Variants in HECTD3 observed in about 807,000 individuals in gnomAD.
HECTD3 encodes the protein HECT domain E3 ubiquitin protein ligase 3, also known as E3 ubiquitin-protein ligase HECTD3.
In HECTD3, 72 loss-of-function variants were observed where a neutral mutation model predicts 109.3. The observed-to-expected ratio is 0.66, with a 90% CI of 0.54 to 0.80. The LOEUF (loss-of-function observed/expected upper bound fraction) is 0.80. Among genes scored for constraint, HECTD3 ranks in the 30% least tolerant of loss-of-function variants. The pLI, the probability that HECTD3 is intolerant of heterozygous loss-of-function variation, is 0.00. For synonymous variants in HECTD3, 481 were observed against 471.8 expected (o/e 1.02, Z -0.25); for missense variants, 1,041 against 1,165.2 (o/e 0.89, Z 1.55).
Position 45,005,881 on chromosome 1 carries a change from G to A in HECTD3, c.1848C>T (p.Val616=). The A allele has an allele frequency of 6.2e-7, 1 of 1,605,762 alleles. No homozygotes were observed. The highest frequency in any genetic ancestry group is 8.5e-7 in the Non-Finnish European group (1 of 1,175,890). ...GAALRGKEFL[V]LALPGFVWKQ... is the part of the protein sequence containing the mutation. ...TCCACACAAAACCAGGCAGGGCCAG[G>A]ACCTGTGTGACAAACACTCCCCACT... The change falls in exon 15 of 21, where the codon GTC becomes GTT. Residue 616 remains valine, a splice_region_variant and synonymous_variant. Transcript: ENST00000372172.
In HECTD3 at chr1:45,010,980, C is replaced by T. The variant is rs765354435; in HGVS notation, c.278G>A (p.Arg93His). The T allele has an allele frequency of 6.7e-7, 1 of 1,503,240 alleles. No individual in the cohort carries two copies. The highest frequency in any genetic ancestry group is 8.8e-7 in the Non-Finnish European group (1 of 1,139,820). 93.1% of individuals were successfully genotyped at this position (1,503,240 alleles called of 1,614,324 possible). Residue 93 changes from arginine to histidine, a missense_variant, in exon 1 of 21, where the codon CGC (arginine) becomes CAC (histidine). Physicochemically the swap from Arg to His is conservative, Grantham distance 29. Around this residue, in one of 2 missense-constraint regions of HECTD3, gnomAD observed 472 missense variants for 449.9 expected, o/e 1.05. Transcript: ENST00000372172. ...GTGSGPLRAA[R>H]DSIELRRGAC... ...GCCGCGCCGGAGCTCAATGCTGTCG[C>T]GGGCGGCGCGGAGGGGCCCGGAGCC...
At position 45,011,223 on chromosome 1, in the gene HECTD3, G is replaced by C. The variant is rs549377202; in HGVS notation, c.35C>G (p.Ser12Cys). ...CACGCGGCCCAGCAGCTGCCGGGGG[G>C]ACTCCAGCACCGCGCCCGGGCCAGG... ...AGPGPGAVLE[S>C]PRQLLGRVRF... Residue 12 changes from serine (S) to cysteine (C), a missense_variant, in exon 1 of 21, where the codon TCC (serine) becomes TGC (cysteine). Ser to Cys is a moderately radical substitution (Grantham distance 112). This residue lies in a region of HECTD3 where 472 missense variants were observed against 449.9 expected (regional missense o/e 1.05). Coordinates refer to ENST00000372172, the MANE Select transcript of HECTD3 (RefSeq NM_024602.6). 2.1e-6 allele frequency: 3 copies of C among 1,419,898 alleles called. No homozygotes were observed. Among genetic ancestry groups the C allele is most frequent in the African/African-American group, 1.5e-5 (1 of 66,598 alleles). The allele number at this position is 1,419,898 out of a possible 1,614,324, so 88.0% of individuals were successfully genotyped here. A position where few individuals can be genotyped will look rare whatever the true frequency, so the allele number is the denominator to read the frequency against.
rs1644706425 is a variant in HECTD3, at chr1:45,003,321, T to G, written c.*171A>C. 1.6e-6 allele frequency: 1 copy of G among 618,438 alleles called. No individual in the cohort carries two copies. Among genetic ancestry groups the G allele is most frequent in the African/African-American group, 1.8e-5 (1 of 54,578 alleles). 38.3% of individuals were successfully genotyped at this position (618,438 alleles called of 1,614,324 possible). A position where few individuals can be genotyped will look rare whatever the true frequency, so the allele number is the denominator to read the frequency against. ...TTGTGGGTCTGCGGGGCTGGGCCACTAGTGTTACCTGACCATGCCAGCTGC... is the reference window on the plus strand; with the variant it reads ...TTGTGGGTCTGCGGGGCTGGGCCACGAGTGTTACCTGACCATGCCAGCTGC... On this transcript the variant is annotated 3_prime_UTR_variant, in exon 21 of 21. Coordinates refer to ENST00000372172, the MANE Select transcript of HECTD3 (RefSeq NM_024602.6). This position sits in a 1 kb window ranked among gnomAD's most constrained non-coding sequence, Gnocchi z 4.7.
At chr1:45,004,481 G>C in intron 16 of HECTD3, 104 bp from the exon 17 acceptor site, 1 of 1,595,152 alleles carries the variant, frequency 6.3e-7, no homozygotes, top group Non-Finnish European at 8.6e-7. Context: ...GTGGCACTGA[G>C]GAATGGTGGG....
intron 18 of HECTD3, 37 bp downstream of exon 18, chr1:45,004,023 T>C (rs766874559): frequency 2.5e-5 from 41 of 1,612,964 alleles, no homozygotes; most frequent in Non-Finnish European, 3.4e-5. Flanking sequence ...AGCAGCAGAG[T>C]CCAAACCCAG....
Position 45,005,814 on chromosome 1 carries a change from G to A in HECTD3, c.1915C>T (p.Pro639Ser). 1.2e-6 allele frequency: 2 copies of A among 1,604,416 alleles called. No individual in the cohort carries two copies. The highest frequency in any genetic ancestry group is 2.7e-5 in the African/African-American group (2 of 74,854). Residue 639 changes from proline (P) to serine (S), a missense_variant, in exon 15 of 21, where the codon CCA becomes TCA. Physicochemically the swap from Pro to Ser is moderately conservative, Grantham distance 74. Around this residue, in one of 2 missense-constraint regions of HECTD3, gnomAD observed 569 missense variants for 715.3 expected, o/e 0.80. Coordinates refer to ENST00000372172, the MANE Select transcript of HECTD3 (RefSeq NM_024602.6). ...CTCACCAGCACAGAGTCCACAGCTGGGAAGTCCTTGCTCCAGCTCACCTCC... is the reference window on the plus strand; with the variant it reads ...CTCACCAGCACAGAGTCCACAGCTGAGAAGTCCTTGCTCCAGCTCACCTCC... ...GEEVSWSKDF[P>S]AVDSVLVKLL...
rs927283126 is a variant in HECTD3 at position 45,006,447 on chromosome 1, A to G, written c.1725+245T>C. ...CAGCCTCCCATGTAGCTGGGACTACAGGCGCGTGCCACCACGCCCGGCTAA... is the reference window on the plus strand; with the variant it reads ...CAGCCTCCCATGTAGCTGGGACTACGGGCGCGTGCCACCACGCCCGGCTAA... On this transcript the variant is annotated intron_variant, in intron 13 of 20. Coordinates refer to ENST00000372172, the MANE Select transcript of HECTD3 (RefSeq NM_024602.6). The surrounding 1 kb of genome is among the most constrained non-coding windows in gnomAD (Gnocchi z 4.7). 6.6e-6 allele frequency among the ~76,000 whole-genome samples: 1 copy of G among 152,052 alleles called. No homozygotes were observed. The highest frequency in any genetic ancestry group is 2.4e-5 in the African/African-American group (1 of 41,420).
intron 4 of HECTD3, 75 bp downstream of exon 4, chr1:45,009,910 TG>T: frequency 1.3e-6 from 2 of 1,499,084 alleles, no homozygotes; most frequent in Non-Finnish European, 1.8e-6. Context: ...GGCCTGCAGG[TG>T]GGGGTTCTTT....
In HECTD3 at chr1:45,004,744, C is replaced by A. The variant is rs760790825; in HGVS notation, c.1998G>T (p.Lys666Asn). 11 of 1,614,076 alleles carry A rather than the reference C, an allele frequency of 6.8e-6. No individual in the cohort carries two copies. The highest frequency in any genetic ancestry group is 3.3e-5 in the Admixed American group (2 of 60,010). ...DKETFEFKFGKELTFTTVLSD... is the reference protein window; with the variant it reads ...DKETFEFKFGNELTFTTVLSD... ...TCAGTACAGTGGTGAATGTTAGTTC[C>A]TTCCCAAACTTGAACTCAAACGTCT... The change falls in exon 16 of 21, where the codon AAG becomes AAT. Residue 666 changes from lysine (K) to asparagine (N), a missense_variant. Lys to Asn is a moderately conservative substitution (Grantham distance 94, BLOSUM62 0). Transcript: ENST00000372172.
rs754862590 is a variant in HECTD3, at chr1:45,006,911, C to T, written c.1621+40G>A. 1 of 1,606,884 alleles carries T rather than the reference C, an allele frequency of 6.2e-7. No individual in the cohort carries two copies. Among genetic ancestry groups the T allele is most frequent in the Non-Finnish European group, 8.5e-7 (1 of 1,173,482 alleles). On this transcript the variant is annotated intron_variant, in intron 12 of 20. Coordinates refer to ENST00000372172, the MANE Select transcript of HECTD3 (RefSeq NM_024602.6). The surrounding 1 kb of genome is among the most constrained non-coding windows in gnomAD (Gnocchi z 4.7). ...AAAAGCCTCTACCACTTTGATAGGG[C>T]AGCAAGCAGGACCCTTGAGATCCTC...
chr1:45,010,845 G>A, intron 1 of HECTD3, 44 bp downstream of exon 1: 4 of 1,506,188 alleles, frequency 2.7e-6, no homozygotes, highest in Non-Finnish European at 8.8e-7. Context: ...GGTTTCTCTG[G>A]CCCCAGGGGT....
chr1:45,006,240 G>T lies in HECTD3; in HGVS notation c.1726-124C>A. ...TAAATGATCCCTTCAAATGCACAGT[G>T]GCTCCTCCTCTCCCTGTCTGCCCAG... On this transcript the variant is annotated intron_variant, in intron 13 of 20. Transcript: ENST00000372172. This position sits in a 1 kb window ranked among gnomAD's most constrained non-coding sequence, Gnocchi z 4.7. The T allele has an allele frequency of 7.9e-7, 1 of 1,261,476 alleles. No individual in the cohort carries two copies. The highest frequency in any genetic ancestry group is 1.1e-6 in the Non-Finnish European group (1 of 893,534). 78.1% of individuals were successfully genotyped at this position (1,261,476 alleles called of 1,614,324 possible). A position where few individuals can be genotyped will look rare whatever the true frequency, so the allele number is the denominator to read the frequency against.
intron 9 of HECTD3, 148 bp downstream of exon 9, chr1:45,008,092 G>T: frequency 1.5e-6 from 1 of 647,248 alleles, no homozygotes; most frequent in Non-Finnish European, 2.7e-6. Context: ...CACTAAATTT[G>T]GACCATTTGT....
intron 16 of HECTD3, 90 bp from the exon 17 acceptor site, chr1:45,004,467 A>G: frequency 1.9e-6 from 3 of 1,603,574 alleles, no homozygotes; most frequent in Non-Finnish European, 2.6e-6. Context: ...TTAGCAGCAG[A>G]AAGGTGGCAC....
chr1:45,007,159 T>C (rs1557728486), intron 11 of HECTD3, 60 bp downstream of exon 11: 1 of 1,444,394 alleles, frequency 6.9e-7, no homozygotes. Flanking sequence ...TGTGTGTGTT[T>C]GTGTGTGTTT....
chr1:45,006,994 C>G lies in HECTD3; in HGVS notation c.1578G>C (p.Gln526His). 6 of 1,614,172 alleles carry G rather than the reference C, an allele frequency of 3.7e-6. No homozygotes were observed. Among genetic ancestry groups the G allele is most frequent in the Non-Finnish European group, 5.1e-6 (6 of 1,180,048 alleles). The change falls in exon 12 of 21, where the codon CAG becomes CAC. Residue 526 changes from glutamine (Q) to histidine (H), a missense_variant. By Grantham distance (24) the Gln-to-His change is conservative. This residue lies in a region of HECTD3 where 569 missense variants were observed against 715.3 expected (regional missense o/e 0.80). Coordinates refer to ENST00000372172, the MANE Select transcript of HECTD3 (RefSeq NM_024602.6). The surrounding 1 kb of genome is among the most constrained non-coding windows in gnomAD (Gnocchi z 4.7). ...CTGCAATAAATTTACACTCCCACCA[C>G]TGGTCATAGCGCATGGGCCACCTGC... ...LDYRWPMRYDQWWECKFIAEG... is the reference protein window; with the variant it reads ...LDYRWPMRYDHWWECKFIAEG...
rs78370467 is a variant in HECTD3, at chr1:45,010,898, C to T, written c.360G>A (p.Lys120=). The change falls in exon 1 of 21, where the codon AAG becomes AAA. Residue 120 remains lysine (K), a synonymous_variant. Coordinates refer to ENST00000372172, the MANE Select transcript of HECTD3 (RefSeq NM_024602.6). ...ELCNGHGLWV[K]LTKEQLAEHL... is the part of the protein sequence containing the mutation. ...GCAGGGAAGAGCGCACCTTTGTCAG[C>T]TTCACCCAGAGCCCGTGGCCATTGC... 3,224 of 1,528,254 alleles carry T rather than the reference C, an allele frequency of 2.1e-3. 112 individuals are homozygous for T. In the East Asian group the frequency reaches 0.068, roughly 32 times the overall value. 94.7% of individuals were successfully genotyped at this position (1,528,254 alleles called of 1,614,324 possible). A position where few individuals can be genotyped will look rare whatever the true frequency, so the allele number is the denominator to read the frequency against.
intron 9 of HECTD3, 50 bp downstream of exon 9, chr1:45,008,190 G>C: frequency 7.1e-7 from 1 of 1,415,798 alleles, no homozygotes; most frequent in Non-Finnish European, 1.0e-6. Flanking sequence ...GAACAACTAC[G>C]TGAGCAGGAA....
In HECTD3 at chr1:45,009,449, G is replaced by A; in HGVS notation, c.909C>T (p.Asp303=). ...KLLLTVDTTD[D]NFMPKRVVVY... is the part of the protein sequence containing the mutation. ...CCACCACCCGCTTTGGCATAAAGTT[G>A]TCATCTGTGGTATCCACTGTGAGTA... Residue 303 remains aspartate (D), a synonymous_variant, in exon 6 of 21, where the codon GAC becomes GAT. Coordinates refer to ENST00000372172, the MANE Select transcript of HECTD3 (RefSeq NM_024602.6). 1 of 1,614,110 alleles carries A rather than the reference G, an allele frequency of 6.2e-7. No homozygotes were observed. Among genetic ancestry groups the A allele is most frequent in the South Asian group, 1.1e-5 (1 of 91,072 alleles).
Sources: allele counts gnomAD v4.1 joint callset (sites outside exome capture counted in the v4.1 genomes callset), GRCh38; gene constraint gnomAD v4.1.1; regional missense constraint gnomAD v4.1.1; non-coding constraint Gnocchi (gnomAD v3.1); transcripts MANE v1.5; gene names NCBI Gene and HGNC (gene_info 2026-07-23, HGNC 2026-07-21).